The following VPS35L variants were observed in gnomAD, a reference collection of about 807,000 sequenced individuals.
The protein encoded by VPS35L is VPS35 endosomal protein-sorting factor-like.
A neutral mutation model predicts 133.0 loss-of-function variants in VPS35L; 83 were observed. The observed-to-expected ratio is 0.62, with a 90% CI of 0.52 to 0.75. The LOEUF is 0.75. VPS35L is among the 30% of genes least tolerant of loss of function. VPS35L has a pLI of 0.00. For synonymous variants in VPS35L, 423 were observed against 449.9 expected, an observed-to-expected ratio of 0.94 and a Z score of 0.76; for missense variants, 1,083 against 1,206.8, an observed-to-expected ratio of 0.90 and a Z score of 1.52.
At chr16:19,566,452 C>T (rs1032437012) in intron 2 of VPS35L, among the ~76,000 whole-genome samples, 11 of 152,118 alleles carry the variant, frequency 7.2e-5, no homozygotes, top group East Asian at 1.9e-4. Context: ...GCTAAGATCA[C>T]GCCACTGCCC....
intron 1 of VPS35L, among the ~76,000 whole-genome samples, chr16:19,562,713 C>T (rs889211825): frequency 1.6e-4 from 25 of 152,024 alleles, no homozygotes; most frequent in Admixed American, 7.9e-4. Context: ...CATTTAAAAA[C>T]ATTTTCTGCC....
chr16:19,694,422 T>G (rs1159078733), intron 29 of VPS35L: 1 of 152,188 alleles, frequency 6.6e-6, no homozygotes, highest in East Asian at 1.9e-4. Flanking sequence ...GCCCATCACC[T>G]TTAGCTTGTA....
intron 1 of VPS35L, among the ~76,000 whole-genome samples, chr16:19,563,603 T>A (rs73529888): frequency 0.033 from 5,085 of 152,286 alleles, 272 homozygotes; most frequent in African/African-American, 0.11. Context: ...CTGCCTGTCG[T>A]CCTGTTCTTT....
chr16:19,617,172 A>G (rs905274260), intron 14 of VPS35L: 15 of 542,548 alleles, frequency 2.8e-5, no homozygotes, highest in African/African-American at 1.5e-4. Flanking sequence ...CTTTGGCAAC[A>G]TAGCAAAACT....
At chr16:19,627,024 A>G (rs565461009) in intron 15 of VPS35L, among the ~76,000 whole-genome samples, 28 of 151,648 alleles carry the variant, frequency 1.8e-4, no homozygotes, top group Non-Finnish European at 4.0e-4. Context: ...GTGCATGCCT[A>G]TAATCCCAGC....
chr16:19,647,717 T>C (rs1417323279), intron 23 of VPS35L, 67 bp from the exon 24 acceptor site: 1 of 1,217,764 alleles, frequency 8.2e-7, no homozygotes, highest in South Asian at 1.2e-5. Context: ...ATTTCAGTCA[T>C]ACCATGTGCC....
At chr16:19,610,656 T>C (rs1009997838) in intron 12 of VPS35L, 2 of 347,106 alleles carry the variant, frequency 5.8e-6, no homozygotes, top group African/African-American at 4.2e-5. Flanking sequence ...GTCATCTTCT[T>C]ACAAATGAAC....
chr16:19,629,923 T>G, intron 18 of VPS35L, 103 bp downstream of exon 18: 1 of 1,044,630 alleles, frequency 9.6e-7, no homozygotes, highest in Non-Finnish European at 1.5e-6. Flanking sequence ...CAACGGTACT[T>G]GCTCTTGTAA....
chr16:19,684,854 C>T (rs1264496791), intron 28 of VPS35L, among the ~76,000 whole-genome samples: 2 of 152,032 alleles, frequency 1.3e-5, no homozygotes, highest in Non-Finnish European at 2.9e-5. Flanking sequence ...GTCAGGAGTT[C>T]GAGGCTAGCC....
rs199755110 is a variant in VPS35L at position 19,616,118 on chromosome 16, G to C, written c.1028G>C (p.Gly343Ala). The change falls in exon 13 of 31, where the codon GGA becomes GCA. Residue 343 changes from glycine (G) to alanine (A), a missense_variant. Gly to Ala is a moderately conservative substitution (Grantham distance 60). Coordinates refer to ENST00000417362, the MANE Select transcript of VPS35L (RefSeq NM_020314.7). ...TTTCCATTTGTCTGGCTGCAGGTGG[G>C]AATGGAAGTGGCCCCACATCTCAAA... ...VYARAYLCRV[G>A]MEVAPHLKET... 11 of 1,612,848 alleles carry C rather than the reference G, an allele frequency of 6.8e-6. No homozygotes were observed. Among genetic ancestry groups the C allele is most frequent in the Non-Finnish European group, 7.6e-6 (9 of 1,179,138 alleles).
intron 28 of VPS35L, among the ~76,000 whole-genome samples, chr16:19,688,144 C>T (rs1567489450): frequency 6.6e-6 from 1 of 151,006 alleles, no homozygotes; most frequent in Non-Finnish European, 1.5e-5. Context: ...CTAGGCTGGT[C>T]TCAAACTCCT....
At chr16:19,635,836 G>A (rs1158093945) in intron 19 of VPS35L, among the ~76,000 whole-genome samples, 1 of 152,118 alleles carries the variant, frequency 6.6e-6, no homozygotes, top group East Asian at 1.9e-4. Context: ...AGAATATATG[G>A]GAGTTCTCAG....
chr16:19,649,029 C>T (rs749268785), intron 24 of VPS35L, among the ~76,000 whole-genome samples: 4 of 151,978 alleles, frequency 2.6e-5, no homozygotes, highest in Non-Finnish European at 5.9e-5. Context: ...TGCTTTGTTG[C>T]CCAGGCTAGA....
chr16:19,633,158 G>C lies in VPS35L; in HGVS notation c.1621G>C (p.Asp541His). 1 of 1,614,130 alleles carries C rather than the reference G, an allele frequency of 6.2e-7. No individual in the cohort carries two copies. The highest frequency in any genetic ancestry group is 1.1e-5 in the South Asian group (1 of 91,082). Residue 541 changes from aspartate (D) to histidine (H), a missense_variant, in exon 19 of 31, where the codon GAT (aspartate) becomes CAT (histidine). Physicochemically the swap from Asp to His is moderately conservative, Grantham distance 81. Transcript: ENST00000417362. The surrounding 1 kb of genome is among the most constrained non-coding windows in gnomAD (Gnocchi z 4.1). ...KHMTPDRAFE[D>H]SYPQLQLIIK... is the part of the protein sequence containing the mutation. ...CATGACTCCAGATCGTGCATTTGAA[G>C]ATTCCTACCCCCAGGTAACAGATTT... is the stretch of plus-strand genomic sequence containing the variant.
chr16:19,590,362 A>C (rs1972008348), intron 7 of VPS35L, among the ~76,000 whole-genome samples: 1 of 152,014 alleles, frequency 6.6e-6, no homozygotes, highest in Admixed American at 6.6e-5. Context: ...ATATTAAATA[A>C]TCCTTTCTAA....
At chr16:19,561,025 A>G (rs973601144) in intron 1 of VPS35L, among the ~76,000 whole-genome samples, 2 of 152,056 alleles carry the variant, frequency 1.3e-5, no homozygotes, top group African/African-American at 4.8e-5. Context: ...TGTAAATATG[A>G]CCCCAGAGGG....
intron 3 of VPS35L, among the ~76,000 whole-genome samples, chr16:19,570,652 G>C (rs1366121804): frequency 1.3e-5 from 2 of 151,364 alleles, no homozygotes; most frequent in Non-Finnish European, 2.9e-5. Context: ...TGCATGGCAG[G>C]CATTTTTCCG....
chr16:19,563,037 T>C (rs944161092), intron 1 of VPS35L, among the ~76,000 whole-genome samples: 1 of 152,014 alleles, frequency 6.6e-6, no homozygotes, highest in Non-Finnish European at 1.5e-5. Context: ...AGTGCTGGGA[T>C]TACAGGCGTG....
At chr16:19,563,590 A>C (rs567759652) in intron 1 of VPS35L, among the ~76,000 whole-genome samples, 22 of 152,090 alleles carry the variant, frequency 1.4e-4, no homozygotes, top group Non-Finnish European at 3.1e-4. Context: ...TGTCTTTGAA[A>C]TTCTGCCTGT....
Sources: allele counts gnomAD v4.1 joint callset (sites outside exome capture counted in the v4.1 genomes callset), GRCh38; gene constraint gnomAD v4.1.1; non-coding constraint Gnocchi (gnomAD v3.1); transcripts MANE v1.5; gene names NCBI Gene and HGNC (gene_info 2026-07-23, HGNC 2026-07-21).